DHRS7: variants seen among roughly 807,000 people sequenced by gnomAD.
DHRS7 encodes the protein dehydrogenase/reductase 7.
Under a neutral mutation model 38.9 loss-of-function variants are expected in DHRS7, and 34 were observed. The ratio of observed to expected loss-of-function variants is 0.87; its 90% CI spans 0.66 to 1.16. DHRS7 has a LOEUF of 1.16. DHRS7 is among the 50% of genes most tolerant of loss of function. The pLI is 0.00. For synonymous variants in DHRS7, 158 were observed against 153.1 expected (o/e 1.03, Z -0.24); for missense variants, 421 against 407.0 (o/e 1.03, Z -0.30).
At chr14:60,168,552 T>C (rs185690397), upstream of DHRS7, 122 of 1,061,032 alleles carry the variant, frequency 1.1e-4, no homozygotes, top group East Asian at 3.1e-3. Context: ...TCTTTGCAAC[T>C]TCCTGTGAAT....
At chr14:60,169,146 A>AAAACAAAAAC (rs1896902789), upstream of DHRS7, 1 of 146,400 alleles carries the variant, frequency 6.8e-6, no homozygotes, top group Non-Finnish European at 1.5e-5. Context: ...AAAAAAAAAA[A>AAAACAAAAAC]AAAAAAAAAA....
Position 60,144,137 on chromosome 14 carries a change from A to G in DHRS7, c.*829T>C, listed in dbSNP as rs752502078. The G allele has an allele frequency of 2.0e-5, 3 of 152,270 alleles. No individual in the cohort carries two copies. Among genetic ancestry groups the G allele is most frequent in the Admixed American group, 1.3e-4 (2 of 15,284 alleles). The allele number at this position is 152,270 out of a possible 1,614,324, so 9.4% of individuals were successfully genotyped here. A position where few individuals can be genotyped will look rare whatever the true frequency, so the allele number is the denominator to read the frequency against. ...ACTCCAGTACAGTAGAAGACATACAACAGGTGTTTAATGAATAATAGGTGC... is the reference window on the plus strand; with the variant it reads ...ACTCCAGTACAGTAGAAGACATACAGCAGGTGTTTAATGAATAATAGGTGC... On this transcript the variant is annotated 3_prime_UTR_variant, in exon 7 of 7. Transcript: ENST00000557185.
intron 4 of DHRS7, among the ~76,000 whole-genome samples, chr14:60,150,824 C>T (rs1896528607): frequency 6.6e-6 from 1 of 152,112 alleles, no homozygotes; most frequent in African/African-American, 2.4e-5. Context: ...CAGCTCTTTC[C>T]AGGTATAAAT....
Position 60,161,829 on chromosome 14 carries a change from G to C in DHRS7, c.133+3348C>G, listed in dbSNP as rs2140612855. ...CCCCAGTGCCCCAGCACAGAGGCCG[G>C]CACATACAAGCAGCTAGTCAGGAGA... is the stretch of plus-strand genomic sequence containing the variant. On this transcript the variant is annotated intron_variant, in intron 1 of 6. Coordinates refer to ENST00000557185, the MANE Select transcript of DHRS7 (RefSeq NM_016029.4). The surrounding 1 kb of genome is among the most constrained non-coding windows in gnomAD (Gnocchi z 4.2). 6.6e-6 allele frequency among the ~76,000 whole-genome samples: 1 copy of C among 152,292 alleles called. No homozygotes were observed. Among genetic ancestry groups the C allele is most frequent in the East Asian group, 1.9e-4 (1 of 5,178 alleles).
Position 60,165,188 on chromosome 14 carries a change from C to T in DHRS7, c.122G>A (p.Gly41Glu), listed in dbSNP as rs746313916. The change falls in exon 1 of 7, where the codon GGA becomes GAA. Residue 41 changes from glycine to glutamate, a missense_variant. Coordinates refer to ENST00000557185, the MANE Select transcript of DHRS7 (RefSeq NM_016029.4). The surrounding 1 kb of genome is among the most constrained non-coding windows in gnomAD (Gnocchi z 4.6). ...TGGCCGGTCCTCACCTGGGCGTCGTCCCTGCCACTCGGCCCATAGTAGCGT... is the reference window on the plus strand; with the variant it reads ...TGGCCGGTCCTCACCTGGGCGTCGTTCCTGCCACTCGGCCCATAGTAGCGT... The part of the protein sequence containing the change: ...DLTLLWAEWQ[G>E]RRPEWELTDM... 6.2e-7 allele frequency: 1 copy of T among 1,612,842 alleles called. No homozygotes were observed. The highest frequency in any genetic ancestry group is 1.3e-5 in the African/African-American group (1 of 75,058).
At position 60,165,350 on chromosome 14, in the gene DHRS7, C is replaced by A. The variant is rs751357225; in HGVS notation, c.-41G>T. On this transcript the variant is annotated 5_prime_UTR_variant, in exon 1 of 7. Coordinates refer to ENST00000557185, the MANE Select transcript of DHRS7 (RefSeq NM_016029.4). The surrounding 1 kb of genome is among the most constrained non-coding windows in gnomAD (Gnocchi z 4.6). ...CCAGCTCGGGGGGAAGAAGACGGCC[C>A]GCACCAGAGTCGCGTCGCTGCCCTG... The A allele has an allele frequency of 2.6e-6, 4 of 1,547,942 alleles. No homozygotes were observed. The East Asian group carries it at 9.5e-5, about 37-fold the overall frequency.
intron 4 of DHRS7, among the ~76,000 whole-genome samples, chr14:60,151,873 A>G (rs993014871): frequency 6.6e-6 from 1 of 152,196 alleles, no homozygotes; most frequent in Non-Finnish European, 1.5e-5. Flanking sequence ...ATCTGTGTTT[A>G]CTGAAAGCAT....
chr14:60,165,477 C>A (rs1896854718), upstream of DHRS7: 3 of 1,345,904 alleles, frequency 2.2e-6, no homozygotes, highest in Non-Finnish European at 2.8e-6. The surrounding 1 kb of genome is among the most constrained non-coding windows in gnomAD (Gnocchi z 4.6). Flanking sequence ...GCGCCGGGCT[C>A]AGCACTCGCG....
chr14:60,165,590 T>G, upstream of DHRS7: 2 of 1,228,072 alleles, frequency 1.6e-6, no homozygotes, highest in Non-Finnish European at 1.0e-6. This position sits in a 1 kb window ranked among gnomAD's most constrained non-coding sequence, Gnocchi z 4.6. Context: ...CTGGGCAACA[T>G]GAGGAAACCC....
At chr14:60,169,415 A>G (rs922749810), upstream of DHRS7, among the ~76,000 whole-genome samples, 2 of 152,142 alleles carry the variant, frequency 1.3e-5, no homozygotes, top group African/African-American at 4.8e-5. Flanking sequence ...TGAGTGTGTG[A>G]CTCCCAAGGA....
chr14:60,150,196 C>CGA lies in DHRS7; in HGVS notation c.634-10_634-9insTC, dbSNP rs1896511989. The CGA allele has an allele frequency of 1.1e-6, 1 of 932,152 alleles. No homozygotes were observed. Among genetic ancestry groups the CGA allele is most frequent in the Non-Finnish European group, 1.4e-6 (1 of 708,450 alleles). 57.7% of individuals were successfully genotyped at this position (932,152 alleles called of 1,614,324 possible). A position where few individuals can be genotyped will look rare whatever the true frequency, so the allele number is the denominator to read the frequency against. On this transcript the variant is annotated splice_polypyrimidine_tract_variant and intron_variant, in intron 4 of 6. Coordinates refer to ENST00000557185, the MANE Select transcript of DHRS7 (RefSeq NM_016029.4). ...AGGCCATTAAAAAAACCCTAACAGA[C>CGA]AAAAAAAAAAAAAAAGGAAAAAGGC...
chr14:60,150,915 A>G (rs1182691070), intron 4 of DHRS7, among the ~76,000 whole-genome samples: 2 of 152,124 alleles, frequency 1.3e-5, no homozygotes, highest in Non-Finnish European at 2.9e-5. Context: ...AAAAAGAACT[A>G]TCCCTATAGA....
Position 60,148,194 on chromosome 14 carries a change from G to C in DHRS7, c.972+1159C>G, listed in dbSNP as rs938905951. On this transcript the variant is annotated intron_variant, in intron 6 of 6. Transcript: ENST00000557185. The surrounding 1 kb of genome is among the most constrained non-coding windows in gnomAD (Gnocchi z 4.8). ...TAATTCATTTTCACTGTCCTGCAAA[G>C]AGTTGGAATAAATTAAATGTCTAAC... 9.8e-5 allele frequency: 15 copies of C among 152,338 alleles called. 1 individual carries two copies. Among genetic ancestry groups the C allele is most frequent in the Admixed American group, 6.5e-4 (10 of 15,300 alleles). 9.4% of individuals were successfully genotyped at this position (152,338 alleles called of 1,614,324 possible).
chr14:60,163,169 C>CAA (rs1216811306), intron 1 of DHRS7, among the ~76,000 whole-genome samples: 1 of 118,640 alleles, frequency 8.4e-6, no homozygotes, highest in African/African-American at 3.3e-5. Context: ...GACTCTGTCT[C>CAA]AAAAAAAAAA....
intron 4 of DHRS7, among the ~76,000 whole-genome samples, chr14:60,150,646 T>C (rs924327543): frequency 3.3e-5 from 5 of 152,252 alleles, no homozygotes; most frequent in African/African-American, 9.6e-5. Flanking sequence ...GGACATGAAC[T>C]CATCCTTTTT....
At chr14:60,165,657 A>T, upstream of DHRS7, 1 of 1,075,892 alleles carries the variant, frequency 9.3e-7, no homozygotes, top group Non-Finnish European at 1.1e-6. This position sits in a 1 kb window ranked among gnomAD's most constrained non-coding sequence, Gnocchi z 4.6. Context: ...AGCTGATTCA[A>T]ACATAAGCTA....
Position 60,150,467 on chromosome 14 carries a change from TC to T in DHRS7, c.634-281del, listed in dbSNP as rs1342244117. On this transcript the variant is annotated intron_variant, in intron 4 of 6. Coordinates refer to ENST00000557185, the MANE Select transcript of DHRS7 (RefSeq NM_016029.4). ...ATCTCCTAATGCTATCCGTCCCCAC[TC>T]CCCCCACCCCATGACAGGCCCCACT... Among the ~76,000 whole-genome samples, 7 of 151,630 alleles carry T rather than the reference TC, an allele frequency of 4.6e-5. No individual in the cohort carries two copies. The East Asian group carries it at 1.2e-3, about 25-fold the overall frequency.
rs928067786 is a variant in DHRS7 at position 60,162,628 on chromosome 14, A to AT, written c.133+2548dup. Among the ~76,000 whole-genome samples the AT allele has an allele frequency of 1.8e-4, 27 of 151,282 alleles. No individual in the cohort carries two copies. The East Asian group carries it at 2.1e-3, about 12-fold the overall frequency. On this transcript the variant is annotated intron_variant, in intron 1 of 6. Coordinates refer to ENST00000557185, the MANE Select transcript of DHRS7 (RefSeq NM_016029.4). The surrounding 1 kb of genome is among the most constrained non-coding windows in gnomAD (Gnocchi z 4.5). ...TAAACCTACAGAGAAGTCAAGAAGG[A>AT]TTTTTTTTTCTTTTTTCATCTTGAT...
intron 1 of DHRS7, among the ~76,000 whole-genome samples, chr14:60,160,151 C>T (rs1896735140): frequency 6.6e-6 from 1 of 151,884 alleles, no homozygotes; most frequent in Non-Finnish European, 1.5e-5. Context: ...CATGGCGAAA[C>T]CCCATCTCTA....
Sources: gnomAD v4.1 joint callset for allele counts (sites outside exome capture counted in the v4.1 genomes callset) on GRCh38, gnomAD v4.1.1 for gene constraint, Gnocchi (gnomAD v3.1) non-coding constraint, MANE v1.5 for transcripts, NCBI Gene and HGNC (gene_info 2026-07-23, HGNC 2026-07-21) for gene names.